MRC2: variants seen among roughly 807,000 people sequenced by gnomAD.
MRC2 encodes the protein mannose receptor C-type 2, also known as C-type mannose receptor 2.
A neutral mutation model predicts 206.2 loss-of-function variants in MRC2; 84 were observed. The observed-to-expected ratio is 0.41, with a 90% CI of 0.34 to 0.49. The LOEUF is 0.49. MRC2 is among the 20% of genes least tolerant of loss of function. MRC2 has a pLI of 0.31. For synonymous variants in MRC2, 798 were observed against 800.0 expected (o/e 1.00, Z 0.04); for missense variants, 1,676 against 2,001.5 (o/e 0.84, Z 3.10).
chr17:62,669,633 G>A (rs548943727), intron 6 of MRC2, among the ~76,000 whole-genome samples: 23 of 151,928 alleles, frequency 1.5e-4, no homozygotes, highest in Non-Finnish European at 2.6e-4. Context: ...AGGTTCAAGC[G>A]ATTCTCATCT....
intron 1 of MRC2, among the ~76,000 whole-genome samples, chr17:62,645,600 C>T (rs1206834665): frequency 7.9e-6 from 1 of 126,134 alleles, no homozygotes; most frequent in Non-Finnish European, 1.6e-5. Flanking sequence ...GTGGCATGAT[C>T]TTGGCTCACT....
intron 1 of MRC2, among the ~76,000 whole-genome samples, chr17:62,647,036 A>T (rs1339260961): frequency 6.6e-6 from 1 of 152,152 alleles, no homozygotes; most frequent in African/African-American, 2.4e-5. Flanking sequence ...GAACTGCTCT[A>T]GGGCCCACAC....
chr17:62,678,533 G>C lies in MRC2; in HGVS notation c.2082G>C (p.Lys694Asn). 6.2e-7 allele frequency: 1 copy of C among 1,612,448 alleles called. No homozygotes were observed. The highest frequency in any genetic ancestry group is 8.5e-7 in the Non-Finnish European group (1 of 1,179,418). The change falls in exon 13 of 30, where the codon AAG becomes AAC. Residue 694 changes from lysine (K) to asparagine (N), a missense_variant. By Grantham distance (94) the Lys-to-Asn change is moderately conservative. This residue lies in a region of MRC2 where 1,354 missense variants were observed against 1,636.6 expected (regional missense o/e 0.83). Transcript: ENST00000303375. ...KVFSSERLQD[K>N]KSWVQAQGAC... Reference sequence around the variant, plus strand: ...TCAGCTCAGAGCGGCTGCAGGACAAGAAGAGCTGGGTCCAGGCCCAGGGGG... The same window carrying C: ...TCAGCTCAGAGCGGCTGCAGGACAACAAGAGCTGGGTCCAGGCCCAGGGGG...
At chr17:62,633,677 GAAAAAAAA>G (rs761792736) in intron 1 of MRC2, among the ~76,000 whole-genome samples, 2 of 113,312 alleles carry the variant, frequency 1.8e-5, no homozygotes, top group African/African-American at 6.4e-5. Context: ...AGTCACTACA[GAAAAAAAA>G]AAAAAAAAAG....
In MRC2 at chr17:62,692,782, C is replaced by T. The variant is rs1361772542; in HGVS notation, c.*331C>T. 1 of 313,720 alleles carries T rather than the reference C, an allele frequency of 3.2e-6. No homozygotes were observed. Among genetic ancestry groups the T allele is most frequent in the Non-Finnish European group, 6.1e-6 (1 of 163,100 alleles). 19.4% of individuals were successfully genotyped at this position (313,720 alleles called of 1,614,324 possible). A position where few individuals can be genotyped will look rare whatever the true frequency, so the allele number is the denominator to read the frequency against. On this transcript the variant is annotated 3_prime_UTR_variant, in exon 30 of 30. Transcript: ENST00000303375. The surrounding 1 kb of genome is among the most constrained non-coding windows in gnomAD (Gnocchi z 4.2). ...TCTCCCCAGAGCCCCCGGCCCAGGC[C>T]TGTTGATCCGCGCCCCAGGACCCCC...
At position 62,664,837 on chromosome 17, in the gene MRC2, C is replaced by G. The variant is rs927511552; in HGVS notation, c.408C>G (p.Ala136=). 3 of 1,613,796 alleles carry G rather than the reference C, an allele frequency of 1.9e-6. No homozygotes were observed. The highest frequency in any genetic ancestry group is 2.5e-6 in the Non-Finnish European group (3 of 1,180,026). Reference sequence around the variant, plus strand: ...ACCAGCTGTCCTTGCTCCTGGGGGCCCGCACCAGCAACATATCCAAGCCTG... The same window carrying G: ...ACCAGCTGTCCTTGCTCCTGGGGGCGCGCACCAGCAACATATCCAAGCCTG... ...LGDQLSLLLG[A]RTSNISKPGT... Residue 136 remains alanine (A), a synonymous_variant, in exon 2 of 30, where the codon GCC becomes GCG. Coordinates refer to ENST00000303375, the MANE Select transcript of MRC2 (RefSeq NM_006039.5). The surrounding 1 kb of genome is among the most constrained non-coding windows in gnomAD (Gnocchi z 4.7).
At chr17:62,637,383 A>G (rs2088336204) in intron 1 of MRC2, among the ~76,000 whole-genome samples, 1 of 152,014 alleles carries the variant, frequency 6.6e-6, no homozygotes, top group Non-Finnish European at 1.5e-5. Context: ...TGAAAATACA[A>G]AAATTAGCTG....
At chr17:62,674,732 T>TAAGTGAGTGGG (rs1295584631) in intron 9 of MRC2, among the ~76,000 whole-genome samples, 2 of 148,662 alleles carry the variant, frequency 1.3e-5, no homozygotes, top group Non-Finnish European at 3.0e-5. Context: ...GAAAGCTGTG[T>TAAGTGAGTGGG]AAGTGAGTGG....
At chr17:62,674,289 C>G in intron 9 of MRC2, 119 bp downstream of exon 9, 1 of 675,628 alleles carries the variant, frequency 1.5e-6, no homozygotes, top group Non-Finnish European at 2.4e-6. Context: ...TCGGCACCCC[C>G]TTCCCTGAGC....
At chr17:62,663,608 T>G (rs2088706898) in intron 1 of MRC2, among the ~76,000 whole-genome samples, 1 of 152,074 alleles carries the variant, frequency 6.6e-6, no homozygotes, top group African/African-American at 2.4e-5. Context: ...CCCCAGTGAC[T>G]TCTACAGAGG....
intron 1 of MRC2, among the ~76,000 whole-genome samples, chr17:62,634,340 G>A (rs542341620): frequency 8.5e-4 from 129 of 151,292 alleles, no homozygotes; most frequent in African/African-American, 2.9e-3. Flanking sequence ...TCACTCTGTT[G>A]CCCAGGCTGA....
At chr17:62,659,038 C>G (rs1222055066) in intron 1 of MRC2, among the ~76,000 whole-genome samples, 1 of 152,154 alleles carries the variant, frequency 6.6e-6, no homozygotes, top group Non-Finnish European at 1.5e-5. Context: ...AGTCTAAGAT[C>G]AAGGTTCCTG....
At position 62,672,126 on chromosome 17, in the gene MRC2, G is replaced by A; in HGVS notation, c.1435G>A (p.Glu479Lys). Residue 479 changes from glutamate to lysine, a missense_variant, in exon 8 of 30, where the codon GAG becomes AAG. This residue lies in a region of MRC2 where 1,354 missense variants were observed against 1,636.6 expected (regional missense o/e 0.83). Coordinates refer to ENST00000303375, the MANE Select transcript of MRC2 (RefSeq NM_006039.5). This position sits in a 1 kb window ranked among gnomAD's most constrained non-coding sequence, Gnocchi z 4.5. ...FEPNNFRDSL[E>K]DCVTIWGPEG... is the part of the protein sequence containing the mutation. ...GCCCAACAACTTCCGGGACAGTCTG[G>A]AGGACTGTGTCACCATCTGGGGCCC... 6.2e-7 allele frequency: 1 copy of A among 1,614,040 alleles called. No homozygotes were observed. Among genetic ancestry groups the A allele is most frequent in the Non-Finnish European group, 8.5e-7 (1 of 1,180,036 alleles).
At chr17:62,651,527 A>G (rs2088555892) in intron 1 of MRC2, among the ~76,000 whole-genome samples, 1 of 152,128 alleles carries the variant, frequency 6.6e-6, no homozygotes, top group African/African-American at 2.4e-5. Flanking sequence ...CTTTTTTGTC[A>G]AGTGTTACTT....
intron 1 of MRC2, among the ~76,000 whole-genome samples, chr17:62,642,390 T>TA (rs2088417806): frequency 6.6e-6 from 1 of 152,212 alleles, no homozygotes; most frequent in East Asian, 1.9e-4. Flanking sequence ...TTTGTTCCCT[T>TA]ACGCTAACTT....
rs751023826 is a variant in MRC2, at chr17:62,690,187, T to G, written c.3774T>G (p.His1258Gln). 17 of 1,610,428 alleles carry G rather than the reference T, an allele frequency of 1.1e-5. No homozygotes were observed. Among genetic ancestry groups the G allele is most frequent in the Non-Finnish European group, 1.4e-5 (17 of 1,177,506 alleles). Reference sequence around the variant, plus strand: ...CTCCTCCCCGAAGAATAAGCTACCATGGCAGCTGTCCCCAGGGACTGGCAG... The same window carrying G: ...CTCCTCCCCGAAGAATAAGCTACCAGGGCAGCTGTCCCCAGGGACTGGCAG... ...GPPPPRRISY[H>Q]GSCPQGLADS... is the part of the protein sequence containing the mutation. The change falls in exon 26 of 30, where the codon CAT becomes CAG. Residue 1258 changes from histidine to glutamine, a missense_variant. This residue lies in a region of MRC2 where 1,354 missense variants were observed against 1,636.6 expected (regional missense o/e 0.83). Transcript: ENST00000303375.
chr17:62,675,848 G>A lies in MRC2; in HGVS notation c.1628G>A (p.Ser543Asn). The A allele has an allele frequency of 6.2e-7, 1 of 1,614,188 alleles. No homozygotes were observed. The highest frequency in any genetic ancestry group is 8.5e-7 in the Non-Finnish European group (1 of 1,180,020). The change falls in exon 10 of 30, where the codon AGT becomes AAT. Residue 543 changes from serine to asparagine, a missense_variant. Coordinates refer to ENST00000303375, the MANE Select transcript of MRC2 (RefSeq NM_006039.5). This position sits in a 1 kb window ranked among gnomAD's most constrained non-coding sequence, Gnocchi z 4.1. ...CTGGGAGAAGACCAAGTGACCTACAGTGAGGCCCGGCGCCTGTGCACTGAC... is the reference window on the plus strand; with the variant it reads ...CTGGGAGAAGACCAAGTGACCTACAATGAGGCCCGGCGCCTGTGCACTGAC... ...YWLGEDQVTY[S>N]EARRLCTDHG...
Position 62,692,196 on chromosome 17 carries a change from C to T in MRC2, c.4220-35C>T. On this transcript the variant is annotated intron_variant, in intron 29 of 29. Coordinates refer to ENST00000303375, the MANE Select transcript of MRC2 (RefSeq NM_006039.5). The surrounding 1 kb of genome is among the most constrained non-coding windows in gnomAD (Gnocchi z 4.2). ...GCAGGAAGCACTGCTGGGCCTAACGCCCACTTGGCCTTTCACGCCCACTCG... is the reference window on the plus strand; with the variant it reads ...GCAGGAAGCACTGCTGGGCCTAACGTCCACTTGGCCTTTCACGCCCACTCG... 3 of 1,613,820 alleles carry T rather than the reference C, an allele frequency of 1.9e-6. No individual in the cohort carries two copies. The highest frequency in any genetic ancestry group is 2.5e-6 in the Non-Finnish European group (3 of 1,179,908).
At chr17:62,688,697 G>A (rs560143587) in intron 22 of MRC2, 33 bp downstream of exon 22, 19 of 1,608,918 alleles carry the variant, frequency 1.2e-5, no homozygotes, top group East Asian at 4.5e-5. Flanking sequence ...CCTCCGCACC[G>A]CGCTGCCCTA....
Sources: gnomAD v4.1 joint callset for allele counts (sites outside exome capture counted in the v4.1 genomes callset) on GRCh38, gnomAD v4.1.1 for gene constraint, gnomAD v4.1.1 regional missense constraint, Gnocchi (gnomAD v3.1) non-coding constraint, MANE v1.5 for transcripts, NCBI Gene and HGNC (gene_info 2026-07-23, HGNC 2026-07-21) for gene names.